FRYL: variants seen among roughly 807,000 people sequenced by gnomAD.
FRYL encodes FRY like transcription coactivator.
Under a neutral mutation model 351.2 loss-of-function variants are expected in FRYL, and 150 were observed. The ratio of observed to expected loss-of-function variants is 0.43; its 90% CI spans 0.37 to 0.49. FRYL has a LOEUF of 0.49. Ranked by LOEUF, FRYL falls within the 20% of genes least tolerant of loss-of-function variation. FRYL has a pLI of 0.00. For missense variants in FRYL, 3,036 were observed against 3,619.3 expected (o/e 0.84, Z 4.13); for synonymous variants, 1,153 against 1,257.1 (o/e 0.92, Z 1.75).
chr4:48,651,088 ATTCCTTCTTATTTTTTGTGT>A (rs1578527450), intron 3 of FRYL, among the ~76,000 whole-genome samples: 1 of 151,896 alleles, frequency 6.6e-6, no homozygotes. Context: ...GTTCAATGTG[ATTCCTTCTTATTTTTTGTGT>A]TTCCTTCTGT....
chr4:48,615,627 T>C lies in FRYL; in HGVS notation c.411+3647A>G, dbSNP rs188179710. 8.5e-5 allele frequency among the ~76,000 whole-genome samples: 13 copies of C among 152,356 alleles called. No homozygotes were observed. In the East Asian group the frequency reaches 2.5e-3, roughly 29 times the overall value. On this transcript the variant is annotated intron_variant, in intron 7 of 63. Transcript: ENST00000358350. ...ACCCCAAATTTATTCTAATGACTTT[T>C]TTAGAAAAGCAAAATTAGTCCTCTA...
At chr4:48,739,726 T>G (rs1771840975) in intron 1 of FRYL, among the ~76,000 whole-genome samples, 1 of 152,200 alleles carries the variant, frequency 6.6e-6, no homozygotes, top group Admixed American at 6.5e-5. Flanking sequence ...GGTTTGAATG[T>G]CTGCCTCCTC....
chr4:48,666,087 C>A (rs1376142721), intron 3 of FRYL, among the ~76,000 whole-genome samples: 5 of 152,184 alleles, frequency 3.3e-5, no homozygotes, highest in Admixed American at 6.5e-5. Flanking sequence ...CAAGGCCAAG[C>A]ACAGTGGCTT....
At position 48,731,846 on chromosome 4, in the gene FRYL, G is replaced by A. The variant is rs148805402; in HGVS notation, c.-383-21148C>T. Among the ~76,000 whole-genome samples the A allele has an allele frequency of 2.4e-3, 359 of 152,168 alleles. 1 individual carries two copies. Among genetic ancestry groups the A allele is most frequent in the African/African-American group, 8.4e-3 (349 of 41,492 alleles). On this transcript the variant is annotated intron_variant, in intron 1 of 63. Coordinates refer to ENST00000358350, the MANE Select transcript of FRYL (RefSeq NM_015030.2). ...CATAAAAATCCTAGAAGAAAACCTG[G>A]GCAATACCATTCAGGACATAGGCAT...
At chr4:48,716,156 T>C (rs1768801595) in intron 1 of FRYL, among the ~76,000 whole-genome samples, 2 of 152,130 alleles carry the variant, frequency 1.3e-5, no homozygotes, top group Admixed American at 1.3e-4. Context: ...ACGTTAGACC[T>C]AAAACCGTAA....
chr4:48,754,303 T>TTA (rs752526150), intron 1 of FRYL, among the ~76,000 whole-genome samples: 4 of 152,336 alleles, frequency 2.6e-5, no homozygotes, highest in East Asian at 1.9e-4. Flanking sequence ...TTCATGCACT[T>TTA]TATAATAGTT....
chr4:48,600,979 A>AG (rs1745584697), intron 13 of FRYL, among the ~76,000 whole-genome samples: 1 of 152,320 alleles, frequency 6.6e-6, no homozygotes, highest in Non-Finnish European at 1.5e-5. Context: ...AACATTTCTC[A>AG]AAGTAGTATA....
chr4:48,763,931 G>C (rs1192176882), intron 1 of FRYL, among the ~76,000 whole-genome samples: 2 of 152,192 alleles, frequency 1.3e-5, no homozygotes, highest in Admixed American at 6.6e-5. Context: ...CACTTCGGGA[G>C]TATGAGGCGG....
At chr4:48,578,096 T>TA (rs1195994354) in intron 23 of FRYL, among the ~76,000 whole-genome samples, 28 of 142,016 alleles carry the variant, frequency 2.0e-4, no homozygotes, top group African/African-American at 2.8e-4. Context: ...ATGCAAAAAT[T>TA]AAAAAAAAAA....
intron 19 of FRYL, among the ~76,000 whole-genome samples, chr4:48,585,927 C>G (rs563122934): frequency 1.2e-4 from 18 of 152,304 alleles, no homozygotes; most frequent in African/African-American, 3.8e-4. Flanking sequence ...GGTCTTACTT[C>G]TATCTAACTG....
chr4:48,576,324 CAG>C, intron 23 of FRYL, 102 bp from the exon 24 acceptor site: 1 of 848,728 alleles, frequency 1.2e-6, no homozygotes, highest in Admixed American at 3.4e-5. Flanking sequence ...TTTTTTGAGA[CAG>C]AGTGTCACTC....
At chr4:48,741,376 T>C (rs1772046043) in intron 1 of FRYL, among the ~76,000 whole-genome samples, 1 of 151,602 alleles carries the variant, frequency 6.6e-6, no homozygotes, top group Non-Finnish European at 1.5e-5. Flanking sequence ...CCATCTCTAC[T>C]AAAAATACAA....
chr4:48,703,153 G>A (rs1206951506), intron 2 of FRYL, among the ~76,000 whole-genome samples: 1 of 152,118 alleles, frequency 6.6e-6, no homozygotes, highest in Non-Finnish European at 1.5e-5. Flanking sequence ...GTAAGTTTTT[G>A]AGAAAGGAAG....
At chr4:48,765,002 G>A (rs1774804145) in intron 1 of FRYL, among the ~76,000 whole-genome samples, 1 of 152,094 alleles carries the variant, frequency 6.6e-6, no homozygotes, top group Admixed American at 6.5e-5. Context: ...ACACCACCAT[G>A]CCCAGCTAAT....
chr4:48,563,833 C>A, intron 31 of FRYL, 115 bp downstream of exon 31: 1 of 1,117,270 alleles, frequency 9.0e-7, no homozygotes. Context: ...GAACCAATCC[C>A]CCACAGATAC....
intron 3 of FRYL, among the ~76,000 whole-genome samples, chr4:48,671,677 C>T (rs1762699758): frequency 1.4e-5 from 2 of 140,060 alleles, no homozygotes. Context: ...CAAAACAAAA[C>T]AAAACAAAAA....
intron 3 of FRYL, among the ~76,000 whole-genome samples, chr4:48,654,785 A>G (rs976693595): frequency 1.3e-5 from 2 of 152,228 alleles, no homozygotes; most frequent in African/African-American, 4.8e-5. Flanking sequence ...GCTGTTCTAC[A>G]CTGAAAGCAG....
intron 1 of FRYL, among the ~76,000 whole-genome samples, chr4:48,772,542 A>G (rs1775618032): frequency 6.6e-6 from 1 of 152,176 alleles, no homozygotes; most frequent in Non-Finnish European, 1.5e-5. Context: ...AATATTTTTA[A>G]CCAGTATTAT....
At position 48,619,329 on chromosome 4, in the gene FRYL, C is replaced by T. The variant is rs1195824834; in HGVS notation, c.356G>A (p.Arg119Lys). ...AAAAATGAAGTCTACTGCTAAGTCC[C>T]TCCTTTCAAGAAGATAATCTCTTTC... ...QRERDYLLER[R>K]DLAVDFIFCL... The change falls in exon 7 of 64, where the codon AGG becomes AAG. Residue 119 changes from arginine (R) to lysine (K), a missense_variant. Arg to Lys is a conservative substitution (Grantham distance 26, BLOSUM62 2). Around this residue, in one of 7 missense-constraint regions of FRYL, gnomAD observed 457 missense variants for 566.6 expected, o/e 0.81. Coordinates refer to ENST00000358350, the MANE Select transcript of FRYL (RefSeq NM_015030.2). 1.9e-6 allele frequency: 3 copies of T among 1,598,660 alleles called. No individual in the cohort carries two copies. The African/African-American group carries it at 4.1e-5, about 22-fold the overall frequency.
Sources: allele counts gnomAD v4.1 joint callset (sites outside exome capture counted in the v4.1 genomes callset), GRCh38; gene constraint gnomAD v4.1.1; regional missense constraint gnomAD v4.1.1; transcripts MANE v1.5; gene names NCBI Gene and HGNC (gene_info 2026-07-23, HGNC 2026-07-21).